CSMD1: variants seen among roughly 807,000 people sequenced by gnomAD.
The protein encoded by CSMD1 is CUB and sushi domain-containing protein 1.
CSMD1 carries 213 observed loss-of-function variants against 417.5 expected under a neutral mutation model. The ratio of observed to expected loss-of-function variants is 0.51; its 90% CI spans 0.46 to 0.57. The LOEUF (loss-of-function observed/expected upper bound fraction) is 0.57, where lower values mean the gene tolerates loss of function less well. CSMD1 is among the 20% of genes least tolerant of loss of function. The probability of loss-of-function intolerance (pLI) is 0.00; values close to 1 mark genes in which losing one functional copy is unlikely to be tolerated. For missense variants in CSMD1, 6,923 were observed against 4,529.7 expected, an observed-to-expected ratio of 1.53 and a Z score of -15.17; for synonymous variants, 2,862 against 1,736.8, an observed-to-expected ratio of 1.65 and a Z score of -16.11.
At chr8:3,715,696 C>G (rs890114493) in intron 6 of CSMD1, among the ~76,000 whole-genome samples, 1 of 152,096 alleles carries the variant, frequency 6.6e-6, no homozygotes, top group African/African-American at 2.4e-5. Flanking sequence ...GCACCTGCCA[C>G]CAAACCCACC....
intron 10 of CSMD1, among the ~76,000 whole-genome samples, chr8:3,501,909 G>C (rs1008900512): frequency 1.3e-5 from 2 of 152,104 alleles, no homozygotes; most frequent in East Asian, 1.9e-4. Context: ...ATCTACCATA[G>C]ATACTGGATA....
At chr8:3,815,257 C>G (rs1434921828) in intron 5 of CSMD1, among the ~76,000 whole-genome samples, 1 of 152,070 alleles carries the variant, frequency 6.6e-6, no homozygotes, top group Non-Finnish European at 1.5e-5. Flanking sequence ...GGTAAAGTGT[C>G]TGAGGATGTG....
intron 12 of CSMD1, among the ~76,000 whole-genome samples, chr8:3,462,172 C>T (rs1352439498): frequency 1.3e-5 from 2 of 152,138 alleles, no homozygotes; most frequent in Middle Eastern, 6.8e-3. Flanking sequence ...CATTTCTTTT[C>T]AGGAATCATC....
At chr8:4,876,654 G>A (rs1483176914) in intron 1 of CSMD1, among the ~76,000 whole-genome samples, 1 of 152,038 alleles carries the variant, frequency 6.6e-6, no homozygotes, top group African/African-American at 2.4e-5. Flanking sequence ...ACAATGCAAT[G>A]TGTTGTGTTT....
At chr8:4,118,226 C>T (rs1053544530) in intron 3 of CSMD1, among the ~76,000 whole-genome samples, 1 of 152,068 alleles carries the variant, frequency 6.6e-6, no homozygotes, top group Non-Finnish European at 1.5e-5. Flanking sequence ...ATTTTTAGCA[C>T]ATGCTTTGTT....
intron 5 of CSMD1, among the ~76,000 whole-genome samples, chr8:3,821,143 C>G (rs1042742732): frequency 2.0e-5 from 3 of 152,106 alleles, no homozygotes; most frequent in Non-Finnish European, 4.4e-5. Context: ...GTCTCGAACT[C>G]CTGACCTCAG....
intron 5 of CSMD1, among the ~76,000 whole-genome samples, chr8:3,821,030 C>T (rs963095767): frequency 2.6e-5 from 4 of 152,132 alleles, no homozygotes; most frequent in South Asian, 2.1e-4. Flanking sequence ...GATTCTCCCG[C>T]CTCAGCCTCC....
Position 2,986,188 on chromosome 8 carries a change from C to T in CSMD1, c.8378-7388G>A, listed in dbSNP as rs542770639. 1.4e-4 allele frequency among the ~76,000 whole-genome samples: 22 copies of T among 152,188 alleles called. No homozygotes were observed. In the South Asian group the frequency reaches 3.9e-3, roughly 27 times the overall value. ...TGTAATTGATTGCCTGACTTTCCTG[C>T]GATAATATAAACTTTGAAGAGGAAA... On this transcript the variant is annotated intron_variant, in intron 54 of 69. Transcript: ENST00000635120.
In CSMD1 at chr8:4,734,727, T is replaced by C. The variant is rs183848982; in HGVS notation, c.86-97169A>G. Among the ~76,000 whole-genome samples the C allele has an allele frequency of 6.6e-5, 10 of 152,344 alleles. No individual in the cohort carries two copies. The East Asian group carries it at 9.7e-4, about 15-fold the overall frequency. On this transcript the variant is annotated intron_variant, in intron 1 of 69. Transcript: ENST00000635120. ...GCAAAAGATACATCTATTGTTTTCA[T>C]AGGCAAATAAATTATTGGCTACTTC...
At chr8:3,391,785 A>G (rs1246869074) in intron 17 of CSMD1, among the ~76,000 whole-genome samples, 1 of 152,172 alleles carries the variant, frequency 6.6e-6, no homozygotes, top group Non-Finnish European at 1.5e-5. Context: ...TCTGCAACAC[A>G]TTTTGTCTGT....
chr8:3,672,387 C>A (rs931796750), intron 7 of CSMD1, among the ~76,000 whole-genome samples: 1 of 152,252 alleles, frequency 6.6e-6, no homozygotes, highest in African/African-American at 2.4e-5. Context: ...CTCTTGCATT[C>A]TCAACCACAG....
At chr8:3,915,464 G>C (rs1201477001) in intron 5 of CSMD1, among the ~76,000 whole-genome samples, 1 of 149,312 alleles carries the variant, frequency 6.7e-6, no homozygotes, top group Non-Finnish European at 1.5e-5. Context: ...ATCACTTCAA[G>C]GACTTCAGGG....
chr8:3,153,069 A>G (rs1487004808), intron 39 of CSMD1, among the ~76,000 whole-genome samples: 2 of 152,184 alleles, frequency 1.3e-5, no homozygotes, highest in Non-Finnish European at 1.5e-5. Context: ...GATGAGAGAG[A>G]AGGTCAGTAC....
chr8:4,097,334 T>A (rs555198118), intron 3 of CSMD1, among the ~76,000 whole-genome samples: 9 of 152,316 alleles, frequency 5.9e-5, no homozygotes, highest in African/African-American at 2.2e-4. Flanking sequence ...TTGCCTCAGT[T>A]GACACCTTTA....
intron 1 of CSMD1, among the ~76,000 whole-genome samples, chr8:4,792,998 A>G (rs934336478): frequency 6.6e-6 from 1 of 151,630 alleles, no homozygotes; most frequent in Admixed American, 6.6e-5. Flanking sequence ...ATATATATAT[A>G]TATATATATC....
chr8:3,471,455 A>G (rs1202885062), intron 11 of CSMD1, among the ~76,000 whole-genome samples: 1 of 152,120 alleles, frequency 6.6e-6, no homozygotes, highest in Non-Finnish European at 1.5e-5. Flanking sequence ...AGGGCTTTCT[A>G]TATATCAAGT....
intron 5 of CSMD1, among the ~76,000 whole-genome samples, chr8:3,883,030 A>G (rs560014968): frequency 7.2e-5 from 11 of 152,294 alleles, no homozygotes; most frequent in African/African-American, 2.6e-4. Flanking sequence ...CTGAACCAAT[A>G]AAACGCCTGA....
chr8:4,082,821 A>G (rs931844868), intron 3 of CSMD1, among the ~76,000 whole-genome samples: 6 of 131,654 alleles, frequency 4.6e-5, no homozygotes, highest in African/African-American at 1.8e-4. Flanking sequence ...GTGTCCATGC[A>G]TTCTCATTAT....
At chr8:4,512,104 G>C (rs569838365) in intron 2 of CSMD1, among the ~76,000 whole-genome samples, 1 of 152,224 alleles carries the variant, frequency 6.6e-6, no homozygotes, top group East Asian at 1.9e-4. Context: ...GTTTCACTGG[G>C]ATTCATCTCA....
Sources: allele counts gnomAD v4.1 joint callset (sites outside exome capture counted in the v4.1 genomes callset), GRCh38; gene constraint gnomAD v4.1.1; transcripts MANE v1.5; gene names NCBI Gene and HGNC (gene_info 2026-07-23, HGNC 2026-07-21).